The following AGMO variants were observed in gnomAD, a reference collection of about 807,000 sequenced individuals.
The protein encoded by AGMO is glyceryl-ether monooxygenase.
In AGMO, 75 loss-of-function variants were observed where a neutral mutation model predicts 60.2. The ratio of observed to expected loss-of-function variants is 1.25; its 90% CI spans 1.03 to 1.51. The LOEUF (loss-of-function observed/expected upper bound fraction) is 1.51. AGMO is among the 40% of genes most tolerant of loss of function. The pLI is 0.00. For missense variants in AGMO, 763 were observed against 525.5 expected, an observed-to-expected ratio of 1.45 and a Z score of -4.42; for synonymous variants, 261 against 177.1, an observed-to-expected ratio of 1.47 and a Z score of -3.76.
chr7:15,190,534 C>A, the AGMO span, among the ~76,000 whole-genome samples: 1 of 151,982 alleles, frequency 6.6e-6, no homozygotes, highest in African/African-American at 2.4e-5. Flanking sequence ...TTAGAAAGGG[C>A]AGGATGTCTG....
chr7:15,279,721 A>C (rs928363631), intron 12 of AGMO, among the ~76,000 whole-genome samples: 1 of 152,200 alleles, frequency 6.6e-6, no homozygotes, highest in African/African-American at 2.4e-5. Flanking sequence ...AGCCATGCAG[A>C]AAACTGTAAG....
chr7:15,466,367 T>A (rs1562521647), intron 3 of AGMO, among the ~76,000 whole-genome samples: 1 of 152,292 alleles, frequency 6.6e-6, no homozygotes, highest in East Asian at 1.9e-4. Context: ...TTTGGTCTAG[T>A]GGAGAAGACA....
At chr7:15,308,954 G>A (rs1029434038) in intron 12 of AGMO, among the ~76,000 whole-genome samples, 7 of 152,112 alleles carry the variant, frequency 4.6e-5, no homozygotes, top group Non-Finnish European at 1.0e-4. Flanking sequence ...GGAGTGATTT[G>A]GTTTGAATTC....
Position 15,272,248 on chromosome 7 carries a change from T to A in AGMO, c.1264-70889A>T, listed in dbSNP as rs181848654. ...GCACCCATTAACTCGCCATTTACATTAGGTATATCTCCTAATGCTATCCCT... is the reference window on the plus strand; with the variant it reads ...GCACCCATTAACTCGCCATTTACATAAGGTATATCTCCTAATGCTATCCCT... On this transcript the variant is annotated intron_variant, in intron 12 of 12. Coordinates refer to ENST00000342526, the MANE Select transcript of AGMO (RefSeq NM_001004320.2). Among the ~76,000 whole-genome samples the A allele has an allele frequency of 5.2e-3, 787 of 151,186 alleles. 4 individuals carry two copies. The highest frequency in any genetic ancestry group is 0.018 in the African/African-American group (746 of 41,212).
chr7:15,184,035 A>G, the AGMO span, among the ~76,000 whole-genome samples: 1 of 152,152 alleles, frequency 6.6e-6, no homozygotes, highest in African/African-American at 2.4e-5. Flanking sequence ...ATCTCCTGGG[A>G]AAGCACCCTT....
At chr7:15,233,561 T>C (rs7802206) in intron 12 of AGMO, among the ~76,000 whole-genome samples, 50,613 of 150,618 alleles carry the variant, frequency 0.34, 9,464 homozygotes, top group East Asian at 0.49. Flanking sequence ...TTTTTTTTTT[T>C]CCCCCCTTTG....
At chr7:15,287,893 A>C (rs1190516373) in intron 12 of AGMO, among the ~76,000 whole-genome samples, 2 of 152,162 alleles carry the variant, frequency 1.3e-5, no homozygotes, top group African/African-American at 2.4e-5. Flanking sequence ...TGGCATTTTG[A>C]GTCAATCAAC....
intron 12 of AGMO, among the ~76,000 whole-genome samples, chr7:15,323,328 T>C (rs978359889): frequency 6.6e-6 from 1 of 152,164 alleles, no homozygotes; most frequent in African/African-American, 2.4e-5. Context: ...ATATTGTTTA[T>C]TTTTGTTAAT....
chr7:15,249,159 A>T (rs111657166), intron 12 of AGMO, among the ~76,000 whole-genome samples: 13 of 152,286 alleles, frequency 8.5e-5, no homozygotes, highest in African/African-American at 2.9e-4. Flanking sequence ...TGTGTGTGAA[A>T]TTTTTTGAAA....
rs547416350 is a variant in AGMO, at chr7:15,417,640, T to C, written c.609+918A>G. Among the ~76,000 whole-genome samples, 5 of 152,338 alleles carry C rather than the reference T, an allele frequency of 3.3e-5. No homozygotes were observed. The South Asian group carries it at 1.0e-3, about 32-fold the overall frequency. On this transcript the variant is annotated intron_variant, in intron 5 of 12. Transcript: ENST00000342526. ...CATAAAACACAATACTATTTCATGATAGATCTTCAAATAATGCTACATATG... is the reference window on the plus strand; with the variant it reads ...CATAAAACACAATACTATTTCATGACAGATCTTCAAATAATGCTACATATG...
chr7:15,344,775 T>C (rs2128551130), intron 12 of AGMO, among the ~76,000 whole-genome samples: 1 of 152,302 alleles, frequency 6.6e-6, no homozygotes, highest in East Asian at 1.9e-4. Context: ...ATTAGAAATA[T>C]GGTAGATGCA....
At position 15,354,400 on chromosome 7, in the gene AGMO, G is replaced by GTA. The variant is rs1563105307; in HGVS notation, c.1263+11113_1263+11114insTA. Reference sequence around the variant, plus strand: ...TGTATACACGTGTGTGTATACACGTGTGTGTACACACGTGTGTGTATACAC... The same window carrying GTA: ...TGTATACACGTGTGTGTATACACGTGTATGTGTACACACGTGTGTGTATACAC... On this transcript the variant is annotated intron_variant, in intron 12 of 12. Coordinates refer to ENST00000342526, the MANE Select transcript of AGMO (RefSeq NM_001004320.2). Among the ~76,000 whole-genome samples the GTA allele has an allele frequency of 5.7e-4, 20 of 34,904 alleles. 3 individuals are homozygous for GTA. In the African/African-American group the frequency reaches 6.2e-3, roughly 11 times the overall value. The allele number at this position is 34,904 out of a possible 152,430, so 22.9% of individuals were successfully genotyped here.
At chr7:15,184,357 G>GGAAGAAAGGGAAGGA in the AGMO span, among the ~76,000 whole-genome samples, 2 of 61,180 alleles carry the variant, frequency 3.3e-5, 1 homozygote, top group Non-Finnish European at 5.6e-5. Context: ...AAGGGAGGGA[G>GGAAGAAAGGGAAGGA]GGAAGGAAGG....
chr7:15,270,263 G>A lies in AGMO; in HGVS notation c.1264-68904C>T, dbSNP rs28808994. 3.0e-3 allele frequency among the ~76,000 whole-genome samples: 455 copies of A among 151,984 alleles called. 3 individuals are homozygous for A. The highest frequency in any genetic ancestry group is 0.011 in the African/African-American group (440 of 41,484). On this transcript the variant is annotated intron_variant, in intron 12 of 12. Coordinates refer to ENST00000342526, the MANE Select transcript of AGMO (RefSeq NM_001004320.2). ...AGGGTTCCCTTTTCTCTGCAACTAC[G>A]CCAACATCTGTTGTTTTTTGACTTT... is the stretch of plus-strand genomic sequence containing the variant.
the AGMO span, among the ~76,000 whole-genome samples, chr7:15,147,057 C>G: frequency 6.6e-6 from 1 of 152,096 alleles, no homozygotes; most frequent in Admixed American, 6.6e-5. Flanking sequence ...GTAAAGTGCT[C>G]TGCCATGTCT....
intron 2 of AGMO, among the ~76,000 whole-genome samples, chr7:15,552,472 A>C (rs1305074050): frequency 6.6e-6 from 1 of 151,058 alleles, no homozygotes; most frequent in Non-Finnish European, 1.5e-5. Flanking sequence ...ACAAATTTAC[A>C]AGAAAAAAAC....
intron 9 of AGMO, 88 bp downstream of exon 9, chr7:15,387,318 G>T: frequency 1.4e-6 from 2 of 1,416,652 alleles, no homozygotes; most frequent in Non-Finnish European, 1.9e-6. Flanking sequence ...TTACAGATTT[G>T]CATGAAAACA....
chr7:15,280,072 G>A (rs1335104055), intron 12 of AGMO, among the ~76,000 whole-genome samples: 1 of 152,198 alleles, frequency 6.6e-6, no homozygotes, highest in Non-Finnish European at 1.5e-5. Context: ...GCCAGAATCA[G>A]GGGGTGAGTG....
chr7:15,278,470 G>T (rs145618132), intron 12 of AGMO, among the ~76,000 whole-genome samples: 8 of 152,118 alleles, frequency 5.3e-5, no homozygotes, highest in African/African-American at 1.9e-4. Flanking sequence ...TAGTTCTCAG[G>T]GCCCCAGAAT....
Sources: gnomAD v4.1 joint callset for allele counts (sites outside exome capture counted in the v4.1 genomes callset) on GRCh38, gnomAD v4.1.1 for gene constraint, MANE v1.5 for transcripts, NCBI Gene and HGNC (gene_info 2026-07-23, HGNC 2026-07-21) for gene names.